The following ELAPOR2 variants were observed in gnomAD, a reference collection of about 807,000 sequenced individuals.
ELAPOR2 encodes the protein endosome/lysosome-associated apoptosis and autophagy regulator family member 2.
In ELAPOR2, 89 loss-of-function variants were observed where a neutral mutation model predicts 120.7. The observed-to-expected ratio is 0.74, with a 90% CI of 0.62 to 0.88. The LOEUF is 0.88. Among genes scored for constraint, ELAPOR2 ranks in the 40% least tolerant of loss-of-function variants. The pLI is 0.00. For missense variants in ELAPOR2, 1,134 were observed against 1,251.6 expected, an observed-to-expected ratio of 0.91 and a Z score of 1.42; for synonymous variants, 444 against 444.9, an observed-to-expected ratio of 1.00 and a Z score of 0.03.
chr7:87,051,766 G>T (rs369786299), intron 1 of ELAPOR2, among the ~76,000 whole-genome samples: 2 of 152,154 alleles, frequency 1.3e-5, no homozygotes, highest in South Asian at 4.2e-4. Context: ...GCAAACATTG[G>T]AAAACATTTA....
Position 86,938,159 on chromosome 7 carries a change from G to GA in ELAPOR2, c.1055dup (p.Gln353ProfsTer7). On this transcript the variant is annotated frameshift_variant, in exon 8 of 22. Transcript: ENST00000450689. LOFTEE classifies it high-confidence loss of function. ...CTTCATCACATGGAGTATGGATCTG[G>GA]AAATAGTCTTTTGTGGTACAGGGAG... 6.4e-7 allele frequency: 1 copy of GA among 1,552,162 alleles called. No individual in the cohort carries two copies. The highest frequency in any genetic ancestry group is 8.7e-7 in the Non-Finnish European group (1 of 1,146,546).
intron 1 of ELAPOR2, chr7:86,965,953 CTT>C: frequency 1.0e-6 from 1 of 985,392 alleles, no homozygotes; most frequent in Non-Finnish European, 1.2e-6. Flanking sequence ...AGGCCATTGT[CTT>C]TGACCTTCTC....
intron 2 of ELAPOR2, among the ~76,000 whole-genome samples, chr7:86,958,053 G>A (rs1346301540): frequency 6.6e-6 from 1 of 152,058 alleles, no homozygotes; most frequent in East Asian, 1.9e-4. Flanking sequence ...TAAATGTTAG[G>A]GGTGTGCAGA....
chr7:86,883,020 A>AGG (rs1389245273), intron 21 of ELAPOR2, among the ~76,000 whole-genome samples: 4 of 124,808 alleles, frequency 3.2e-5, no homozygotes, highest in Non-Finnish European at 4.8e-5. Flanking sequence ...ATCGTTTGAA[A>AGG]GGGGTGTGTG....
intron 1 of ELAPOR2, among the ~76,000 whole-genome samples, chr7:87,007,854 C>T (rs1026854722): frequency 6.6e-6 from 1 of 152,106 alleles, no homozygotes; most frequent in Non-Finnish European, 1.5e-5. Context: ...AATAAGAATC[C>T]ATCAGTGCAT....
At chr7:86,989,330 T>G (rs771956782) in intron 1 of ELAPOR2, among the ~76,000 whole-genome samples, 7 of 152,244 alleles carry the variant, frequency 4.6e-5, no homozygotes, top group Non-Finnish European at 8.8e-5. Context: ...TTAGAGATTC[T>G]TGCACATTGG....
chr7:86,985,823 C>A (rs1468679118), intron 1 of ELAPOR2, among the ~76,000 whole-genome samples: 1 of 151,938 alleles, frequency 6.6e-6, no homozygotes, highest in African/African-American at 2.4e-5. Context: ...CCCCCTGCCC[C>A]CACCCCACAA....
At chr7:87,025,536 G>A (rs190811544) in intron 1 of ELAPOR2, among the ~76,000 whole-genome samples, 17 of 152,116 alleles carry the variant, frequency 1.1e-4, no homozygotes, top group Admixed American at 9.8e-4. Context: ...TTGTAACTGG[G>A]TCTCTTGACT....
At chr7:87,008,058 C>T (rs886290381) in intron 1 of ELAPOR2, among the ~76,000 whole-genome samples, 5 of 152,058 alleles carry the variant, frequency 3.3e-5, no homozygotes, top group South Asian at 2.1e-4. Flanking sequence ...TATTACAAAG[C>T]GAAATCAGTA....
At chr7:86,935,788 G>A (rs1233669605) in intron 8 of ELAPOR2, among the ~76,000 whole-genome samples, 2 of 151,918 alleles carry the variant, frequency 1.3e-5, no homozygotes, top group Admixed American at 6.6e-5. Context: ...TAAATAACCA[G>A]TGCTCAGTAA....
intron 21 of ELAPOR2, among the ~76,000 whole-genome samples, chr7:86,886,408 A>G (rs1799690478): frequency 6.6e-6 from 1 of 152,104 alleles, no homozygotes; most frequent in African/African-American, 2.4e-5. Context: ...TTATGGCCTC[A>G]CAATCATAAT....
chr7:86,929,978 G>A (rs963946848), intron 8 of ELAPOR2, among the ~76,000 whole-genome samples: 29 of 151,902 alleles, frequency 1.9e-4, no homozygotes, highest in African/African-American at 7.0e-4. Context: ...ACAGCCTACA[G>A]AATCGTGAGC....
intron 1 of ELAPOR2, among the ~76,000 whole-genome samples, chr7:87,039,028 A>T (rs1203481348): frequency 1.3e-5 from 2 of 152,148 alleles, no homozygotes; most frequent in East Asian, 3.8e-4. Flanking sequence ...CTTTAGCTAG[A>T]CTAAGAAAAA....
chr7:86,960,643 AT>A (rs1223066282), intron 2 of ELAPOR2, among the ~76,000 whole-genome samples: 1 of 152,064 alleles, frequency 6.6e-6, no homozygotes, highest in Admixed American at 6.6e-5. Flanking sequence ...ATTACTGTCT[AT>A]TTTTCCCTTT....
chr7:87,013,693 C>T (rs1195479256), intron 1 of ELAPOR2, among the ~76,000 whole-genome samples: 2 of 152,160 alleles, frequency 1.3e-5, no homozygotes, highest in African/African-American at 4.8e-5. Context: ...AGCATCTCCA[C>T]AATGATTAGC....
At chr7:86,998,363 T>G (rs767436) in intron 1 of ELAPOR2, among the ~76,000 whole-genome samples, 57,543 of 152,066 alleles carry the variant, frequency 0.38, 11,742 homozygotes, top group African/African-American at 0.53. Flanking sequence ...GGTGAACGAT[T>G]AAGAAGCATT....
At chr7:86,959,265 A>T (rs897811750) in intron 2 of ELAPOR2, among the ~76,000 whole-genome samples, 2 of 152,214 alleles carry the variant, frequency 1.3e-5, no homozygotes, top group African/African-American at 4.8e-5. Flanking sequence ...GTCATCTGCA[A>T]ACGGAAATAA....
intron 1 of ELAPOR2, among the ~76,000 whole-genome samples, chr7:87,050,923 A>G (rs548007838): frequency 9.8e-5 from 15 of 152,300 alleles, no homozygotes; most frequent in African/African-American, 3.4e-4. Flanking sequence ...AGAAGAAAGG[A>G]GTTGCCATTC....
rs1262827067 is a variant in ELAPOR2 at position 86,897,511 on chromosome 7, A to G, written c.2680T>C (p.Phe894Leu). 8 of 1,612,044 alleles carry G rather than the reference A, an allele frequency of 5.0e-6. No individual in the cohort carries two copies. The highest frequency in any genetic ancestry group is 2.7e-5 in the African/African-American group (2 of 74,748). ...HEIEGACKRG[F>L]QETLYVWNEP... is the part of the protein sequence containing the mutation. ...CTTGAGAGTTTATCCCTTACCTGAA[A>G]TCCTCTCTTGCAGGCTCCCTCAATC... is the stretch of plus-strand genomic sequence containing the variant. The change falls in exon 19 of 22, where the codon TTT (phenylalanine) becomes CTT (leucine). Residue 894 changes from phenylalanine to leucine, a missense_variant. Coordinates refer to ENST00000450689, the MANE Select transcript of ELAPOR2 (RefSeq NM_001142749.3).
Sources: gnomAD v4.1 joint callset for allele counts (sites outside exome capture counted in the v4.1 genomes callset) on GRCh38, gnomAD v4.1.1 for gene constraint, MANE v1.5 for transcripts, NCBI Gene and HGNC (gene_info 2026-07-23, HGNC 2026-07-21) for gene names.